Variants in CCNY observed in about 807,000 individuals in gnomAD.
CCNY encodes the protein cyclin-Y.
Under a neutral mutation model 42.8 loss-of-function variants are expected in CCNY, and 19 were observed. That is an observed-to-expected ratio of 0.44 (90% CI 0.31 to 0.65). The LOEUF (loss-of-function observed/expected upper bound fraction) is 0.65, where lower values mean the gene tolerates loss of function less well. Among genes scored for constraint, CCNY ranks in the 30% least tolerant of loss-of-function variants. CCNY has a pLI of 0.07. For synonymous variants in CCNY, 165 were observed against 162.7 expected (o/e 1.01, Z -0.11); for missense variants, 370 against 437.3 (o/e 0.85, Z 1.37).
At chr10:35,488,091 A>G (rs1285704282) in intron 2 of CCNY, among the ~76,000 whole-genome samples, 1 of 152,236 alleles carries the variant, frequency 6.6e-6, no homozygotes, top group Non-Finnish European at 1.5e-5. Flanking sequence ...ATTTGGAGGA[A>G]AAAACCCTAA....
chr10:35,428,888 A>T (rs1010651379), intron 1 of CCNY, among the ~76,000 whole-genome samples: 5 of 152,222 alleles, frequency 3.3e-5, no homozygotes, highest in African/African-American at 1.2e-4. Context: ...AAGTACCCTG[A>T]ACCCACTCTA....
intron 7 of CCNY, among the ~76,000 whole-genome samples, chr10:35,551,406 G>A (rs1841254405): frequency 1.3e-5 from 2 of 152,070 alleles, no homozygotes; most frequent in Admixed American, 6.5e-5. Flanking sequence ...CTTTCCACAT[G>A]TACCTTTTTG....
intron 1 of CCNY, among the ~76,000 whole-genome samples, chr10:35,379,981 G>A (rs116228203): frequency 0.023 from 3,516 of 152,246 alleles, 128 homozygotes; most frequent in African/African-American, 0.079. Flanking sequence ...TCCACTCAGC[G>A]CAGTAAAAAA....
At chr10:35,481,836 A>G (rs1839675680) in intron 1 of CCNY, among the ~76,000 whole-genome samples, 1 of 152,232 alleles carries the variant, frequency 6.6e-6, no homozygotes, top group Non-Finnish European at 1.5e-5. Flanking sequence ...ACCTCCTTGC[A>G]GAGTCATTTT....
chr10:35,520,907 G>C (rs1041705588), intron 4 of CCNY, among the ~76,000 whole-genome samples: 1 of 152,176 alleles, frequency 6.6e-6, no homozygotes, highest in Admixed American at 6.5e-5. Flanking sequence ...AAAGAAAAGA[G>C]CGGAGGGTGG....
At chr10:35,552,938 C>T (rs1001249823) in intron 7 of CCNY, 81 bp from the exon 8 acceptor site, 2 of 1,338,856 alleles carry the variant, frequency 1.5e-6, no homozygotes, top group Non-Finnish European at 2.1e-6. Flanking sequence ...GGATGTAATA[C>T]ATATTTTAGC....
At chr10:35,402,750 T>C (rs1467671442) in intron 1 of CCNY, among the ~76,000 whole-genome samples, 1 of 152,132 alleles carries the variant, frequency 6.6e-6, no homozygotes, top group African/African-American at 2.4e-5. Context: ...GGTGAAAGTA[T>C]TGGAGGATAC....
chr10:35,263,867 T>C (rs1252578976), intron 3 of CCNY, among the ~76,000 whole-genome samples: 1 of 152,162 alleles, frequency 6.6e-6, no homozygotes, highest in African/African-American at 2.4e-5. Flanking sequence ...GTGTGTGTTG[T>C]TCCTCCCAAT....
At chr10:35,279,019 G>T (rs1589013900) in intron 3 of CCNY, among the ~76,000 whole-genome samples, 1 of 151,948 alleles carries the variant, frequency 6.6e-6, no homozygotes. Flanking sequence ...TCTGTTGGGG[G>T]CTCAGTGCGG....
rs1188521970 is a variant in CCNY at position 35,337,226 on chromosome 10, G to A, written c.154+19G>A. On this transcript the variant is annotated intron_variant, in intron 1 of 9. Transcript: ENST00000374704. ...ATAGACGGTGAGTGCGGCCCGCCGA[G>A]CCCCCTACCCGCCCCCGCGGCAACA... 6.0e-6 allele frequency: 9 copies of A among 1,501,452 alleles called. No homozygotes were observed. The South Asian group carries it at 8.7e-5, about 15-fold the overall frequency. 93.0% of individuals were successfully genotyped at this position (1,501,452 alleles called of 1,614,324 possible). A position where few individuals can be genotyped will look rare whatever the true frequency, so the allele number is the denominator to read the frequency against.
chr10:35,494,848 C>G (rs148799866), intron 2 of CCNY, among the ~76,000 whole-genome samples: 2 of 152,270 alleles, frequency 1.3e-5, no homozygotes, highest in African/African-American at 2.4e-5. Flanking sequence ...TATATGCGCA[C>G]AAAAGAGACT....
chr10:35,483,529 T>C lies in CCNY; in HGVS notation c.229+51T>C. 2.6e-6 allele frequency: 3 copies of C among 1,161,890 alleles called. No homozygotes were observed. In the Admixed American group the frequency reaches 5.6e-5, roughly 22 times the overall value. 72.0% of individuals were successfully genotyped at this position (1,161,890 alleles called of 1,614,324 possible). A position where few individuals can be genotyped will look rare whatever the true frequency, so the allele number is the denominator to read the frequency against. On this transcript the variant is annotated intron_variant, in intron 2 of 9. Coordinates refer to ENST00000374704, the MANE Select transcript of CCNY (RefSeq NM_145012.6). ...TTGTAAAAAAGGCTCATGTTGGTAC[T>C]TCGCCTAGTGTTGATTTCCCACAGG...
rs1183918671 is a variant in CCNY at position 35,530,097 on chromosome 10, G to A, written c.460-27G>A. On this transcript the variant is annotated intron_variant, in intron 6 of 9. Transcript: ENST00000374704. This position sits in a 1 kb window ranked among gnomAD's most constrained non-coding sequence, Gnocchi z 4.3. ...CTCTTTTGCTCCAATCGGGAGATCAGTCATCTGAAAATATTTTCTTCCCCA... is the reference window on the plus strand; with the variant it reads ...CTCTTTTGCTCCAATCGGGAGATCAATCATCTGAAAATATTTTCTTCCCCA... 5.6e-6 allele frequency: 9 copies of A among 1,614,138 alleles called. No homozygotes were observed. In the East Asian group the frequency reaches 2.0e-4, roughly 36 times the overall value.
chr10:35,389,834 A>G (rs1230205353), intron 1 of CCNY, among the ~76,000 whole-genome samples: 1 of 152,216 alleles, frequency 6.6e-6, no homozygotes, highest in Non-Finnish European at 1.5e-5. Context: ...CATGCTTGGA[A>G]GAAAACTTGG....
intron 1 of CCNY, among the ~76,000 whole-genome samples, chr10:35,377,042 A>G (rs1837067970): frequency 1.3e-5 from 2 of 152,200 alleles, no homozygotes; most frequent in South Asian, 4.1e-4. Context: ...CCACATAATG[A>G]TGTTTTGGTC....
chr10:35,539,526 C>T (rs183013021), intron 7 of CCNY, among the ~76,000 whole-genome samples: 130 of 152,266 alleles, frequency 8.5e-4, no homozygotes, highest in African/African-American at 2.9e-3. Context: ...CAGTGGCTCA[C>T]GCCTGTAATC....
At chr10:35,542,009 C>G (rs138596520) in intron 7 of CCNY, among the ~76,000 whole-genome samples, 1 of 149,186 alleles carries the variant, frequency 6.7e-6, no homozygotes, top group African/African-American at 2.5e-5. Context: ...TGGTCATTAC[C>G]CAGCATCCCT....
chr10:35,430,457 G>T (rs1589116118), intron 1 of CCNY, among the ~76,000 whole-genome samples: 1 of 151,892 alleles, frequency 6.6e-6, no homozygotes, highest in East Asian at 1.9e-4. Context: ...AGGGAAGAGT[G>T]GGAAAGGAAA....
intron 4 of CCNY, among the ~76,000 whole-genome samples, chr10:35,517,265 G>T (rs1301191724): frequency 6.6e-6 from 1 of 152,112 alleles, no homozygotes; most frequent in Non-Finnish European, 1.5e-5. Context: ...TTCAGTTTCC[G>T]TACTTTAAAG....
Sources: gnomAD v4.1 joint callset for allele counts (sites outside exome capture counted in the v4.1 genomes callset) on GRCh38, gnomAD v4.1.1 for gene constraint, Gnocchi (gnomAD v3.1) non-coding constraint, MANE v1.5 for transcripts, NCBI Gene and HGNC (gene_info 2026-07-23, HGNC 2026-07-21) for gene names.